Variants in SAP30BP observed in about 807,000 individuals in gnomAD.
SAP30BP encodes SAP30-binding protein.
SAP30BP carries 31 observed loss-of-function variants against 46.3 expected under a neutral mutation model. The observed-to-expected ratio is 0.67, with a 90% CI of 0.50 to 0.90. SAP30BP has a LOEUF of 0.90. Ranked by LOEUF, SAP30BP falls within the 40% of genes least tolerant of loss-of-function variation. The pLI, the probability that SAP30BP is intolerant of heterozygous loss-of-function variation, is 0.00. For missense variants in SAP30BP, 312 were observed against 391.0 expected, an observed-to-expected ratio of 0.80 and a Z score of 1.70; for synonymous variants, 169 against 144.2, an observed-to-expected ratio of 1.17 and a Z score of -1.23.
intron 3 of SAP30BP, among the ~76,000 whole-genome samples, chr17:75,687,764 C>T (rs1405767613): frequency 6.6e-6 from 1 of 152,216 alleles, no homozygotes; most frequent in Non-Finnish European, 1.5e-5. Context: ...TTGTTAGCTG[C>T]TCTTCTGCTG....
At chr17:75,695,274 CCCTT>C (rs1409121750) in intron 4 of SAP30BP, among the ~76,000 whole-genome samples, 16 of 152,240 alleles carry the variant, frequency 1.1e-4, no homozygotes, top group African/African-American at 3.9e-4. Context: ...GAGGCACTCT[CCCTT>C]CCCCAGATGT....
intron 4 of SAP30BP, 95 bp downstream of exon 4, chr17:75,693,577 T>C: frequency 8.6e-7 from 1 of 1,159,210 alleles, no homozygotes; most frequent in Middle Eastern, 2.4e-4. Context: ...ACAGGGCTTC[T>C]GTCTGCTGTG....
intron 2 of SAP30BP, among the ~76,000 whole-genome samples, chr17:75,669,879 G>T (rs747580340): frequency 6.6e-6 from 1 of 152,192 alleles, no homozygotes; most frequent in African/African-American, 2.4e-5. Flanking sequence ...TGCAGAAAAC[G>T]CAAGGAAATT....
intron 3 of SAP30BP, among the ~76,000 whole-genome samples, chr17:75,687,819 T>A (rs771690588): frequency 7.2e-5 from 11 of 152,154 alleles, no homozygotes; most frequent in Non-Finnish European, 1.0e-4. Context: ...TGAAACTCAC[T>A]GTGGAGTTGA....
chr17:75,687,917 G>GGTGTGTGTGTGTGTGTGTGTGT (rs68006166), intron 3 of SAP30BP, among the ~76,000 whole-genome samples: 1 of 120,260 alleles, frequency 8.3e-6, no homozygotes, highest in African/African-American at 3.0e-5. Context: ...CAGTGTTTGG[G>GGTGTGTGTGTGTGTGTGTGTGT]GTGTGTGTGT....
chr17:75,692,055 C>T (rs1196907953), intron 3 of SAP30BP: 2 of 201,828 alleles, frequency 9.9e-6, no homozygotes, highest in East Asian at 3.7e-4. Context: ...TCTTTGCCCA[C>T]CTGATTGGCA....
At position 75,707,772 on chromosome 17, in the gene SAP30BP, A is replaced by G. The variant is rs1459201159; in HGVS notation, c.*1251A>G. On this transcript the variant is annotated 3_prime_UTR_variant, in exon 11 of 11. Coordinates refer to ENST00000584667, the MANE Select transcript of SAP30BP (RefSeq NM_013260.8). ...AAGAGCTGCTCCCCACTCATGCCCC[A>G]GAGGGACTGTGAAAAGGCTTCCTGT... The G allele has an allele frequency of 2.0e-5, 3 of 152,212 alleles. No homozygotes were observed. The highest frequency in any genetic ancestry group is 4.4e-5 in the Non-Finnish European group (3 of 68,044). 9.4% of individuals were successfully genotyped at this position (152,212 alleles called of 1,614,324 possible).
intron 9 of SAP30BP, 80 bp from the exon 10 acceptor site, chr17:75,705,927 TC>T (rs1165388129): frequency 3.8e-6 from 6 of 1,569,634 alleles, no homozygotes; most frequent in Non-Finnish European, 5.2e-6. Context: ...CAAGCTCCTG[TC>T]CCCCAGGAGC....
chr17:75,681,149 A>G (rs1219736732), intron 3 of SAP30BP, among the ~76,000 whole-genome samples: 5 of 152,208 alleles, frequency 3.3e-5, no homozygotes, highest in Admixed American at 1.3e-4. Context: ...TAATATGTGT[A>G]AGTGTGTGTG....
intron 4 of SAP30BP, among the ~76,000 whole-genome samples, chr17:75,693,837 C>T (rs1366747996): frequency 6.6e-6 from 1 of 152,128 alleles, no homozygotes; most frequent in East Asian, 1.9e-4. Flanking sequence ...TCTCCGCTGG[C>T]ATATGCATGC....
At chr17:75,690,000 T>G (rs1049141299) in intron 3 of SAP30BP, among the ~76,000 whole-genome samples, 1 of 152,210 alleles carries the variant, frequency 6.6e-6, no homozygotes, top group African/African-American at 2.4e-5. Flanking sequence ...AAAAATTACC[T>G]ACCGGGTACA....
intron 4 of SAP30BP, among the ~76,000 whole-genome samples, chr17:75,697,655 C>G (rs559975394): frequency 6.6e-6 from 1 of 152,344 alleles, no homozygotes; most frequent in East Asian, 1.9e-4. Flanking sequence ...CCACTGACAA[C>G]AGTGAAAATC....
chr17:75,687,479 G>A (rs1323770934), intron 3 of SAP30BP, among the ~76,000 whole-genome samples: 2 of 152,080 alleles, frequency 1.3e-5, no homozygotes, highest in Non-Finnish European at 1.5e-5. Context: ...AGCCAGCCAT[G>A]GTGGTGCATG....
intron 4 of SAP30BP, among the ~76,000 whole-genome samples, 153 bp from the exon 5 acceptor site, chr17:75,699,630 C>T (rs1203251180): frequency 6.6e-6 from 1 of 152,176 alleles, no homozygotes; most frequent in African/African-American, 2.4e-5. Context: ...GCTCAGATGA[C>T]ACCTCAGAGA....
intron 3 of SAP30BP, among the ~76,000 whole-genome samples, chr17:75,672,952 G>A (rs1304955473): frequency 1.4e-5 from 2 of 147,998 alleles, no homozygotes; most frequent in Non-Finnish European, 3.0e-5. Flanking sequence ...AACAGAATGA[G>A]AATCTGTCTC....
rs376863807 is a variant in SAP30BP, at chr17:75,690,925, G to C, written c.265-2515G>C. ...CAGCAGCGCTGGCCTCCTCCTGAGC[G>C]TGCACGCTTATATGGCTTCTGAGCT... On this transcript the variant is annotated intron_variant, in intron 3 of 10. Transcript: ENST00000584667. Among the ~76,000 whole-genome samples the C allele has an allele frequency of 8.2e-4, 125 of 152,306 alleles. 2 individuals are homozygous for C. The South Asian group carries it at 0.017, about 21-fold the overall frequency.
In SAP30BP at chr17:75,692,829, C is replaced by T. The variant is rs2148405746; in HGVS notation, c.265-611C>T. On this transcript the variant is annotated intron_variant, in intron 3 of 10. Transcript: ENST00000584667. ...AGAGGCTTCCTTGAGCCTGGGGCCT[C>T]TCTGGGATCCCCATTCTGCCACTTA... 3 of 152,354 alleles carry T rather than the reference C, an allele frequency of 2.0e-5. No homozygotes were observed. The South Asian group carries it at 6.2e-4, about 32-fold the overall frequency. The allele number at this position is 152,354 out of a possible 1,614,324, so 9.4% of individuals were successfully genotyped here.
At chr17:75,676,112 C>T (rs561114761) in intron 3 of SAP30BP, among the ~76,000 whole-genome samples, 5 of 152,286 alleles carry the variant, frequency 3.3e-5, no homozygotes, top group Non-Finnish European at 7.4e-5. Context: ...TTCTTTGATA[C>T]TTCATCAAAA....
intron 3 of SAP30BP, among the ~76,000 whole-genome samples, chr17:75,682,866 G>C (rs973739945): frequency 1.3e-5 from 2 of 150,974 alleles, no homozygotes; most frequent in Admixed American, 6.6e-5. Flanking sequence ...AGGAGGCTGA[G>C]GCAGGAGAAT....
Sources: gnomAD v4.1 joint callset for allele counts (sites outside exome capture counted in the v4.1 genomes callset) on GRCh38, gnomAD v4.1.1 for gene constraint, MANE v1.5 for transcripts, NCBI Gene and HGNC (gene_info 2026-07-23, HGNC 2026-07-21) for gene names.